The following LAP3 variants were observed in gnomAD, a reference collection of about 807,000 sequenced individuals.
LAP3 encodes leucine aminopeptidase 3.
Under a neutral mutation model 58.8 loss-of-function variants are expected in LAP3, and 46 were observed. The observed-to-expected ratio is 0.78, with a 90% CI of 0.62 to 1.00. The LOEUF (loss-of-function observed/expected upper bound fraction) is 1.00, where lower values mean the gene tolerates loss of function less well. Among genes scored for constraint, LAP3 ranks in the 50% least tolerant of loss-of-function variants. The pLI, the probability that LAP3 is intolerant of heterozygous loss-of-function variation, is 0.00. For synonymous variants in LAP3, 257 were observed against 237.7 expected (o/e 1.08, Z -0.75); for missense variants, 615 against 659.1 (o/e 0.93, Z 0.73).
chr4:17,593,591 A>G (rs1371303412), intron 7 of LAP3, among the ~76,000 whole-genome samples: 1 of 130,712 alleles, frequency 7.7e-6, no homozygotes, highest in East Asian at 2.2e-4. Context: ...CTTCATATAC[A>G]TTTTAGAATC....
At position 17,582,389 on chromosome 4, in the gene LAP3, T is replaced by G. The variant is rs1322335044; in HGVS notation, c.375T>G (p.Val125=). 6.2e-7 allele frequency: 1 copy of G among 1,610,952 alleles called. No homozygotes were observed. The highest frequency in any genetic ancestry group is 8.5e-7 in the Non-Finnish European group (1 of 1,178,000). ...GCAAAGAAAACATCAGAGCTGCTGT[T>G]GCAGGTTATTTCACTTTTTAAGTTT... is the stretch of plus-strand genomic sequence containing the variant. ...HEGKENIRAA[V]AAGCRQIQDL... The change falls in exon 4 of 13, where the codon GTT becomes GTG. Residue 125 remains valine (V), a synonymous_variant. Coordinates refer to ENST00000226299, the MANE Select transcript of LAP3 (RefSeq NM_015907.3).
chr4:17,606,809 C>T lies in LAP3; in HGVS notation c.1261-20C>T. On this transcript the variant is annotated intron_variant, in intron 11 of 12. Transcript: ENST00000226299. ...CAACCTGCCTCATCCACTCTTCCAC[C>T]TGTCATACCTGTTCTCTAGGCCAGC... 2 of 1,554,970 alleles carry T rather than the reference C, an allele frequency of 1.3e-6. No homozygotes were observed. The highest frequency in any genetic ancestry group is 1.8e-6 in the Non-Finnish European group (2 of 1,136,276).
intron 2 of LAP3, 74 bp downstream of exon 2, chr4:17,580,013 T>G: frequency 1.1e-6 from 1 of 884,070 alleles, no homozygotes; most frequent in Non-Finnish European, 1.8e-6. Flanking sequence ...TCTTTTCTTT[T>G]TTGAAACAGA....
chr4:17,582,359 T>C lies in LAP3; in HGVS notation c.345T>C (p.His115=). The part of the protein sequence containing the change: ...AAGIDEQENW[H]EGKENIRAAV... ...GAATCGACGAACAGGAAAACTGGCA[T>C]GAAGGCAAAGAAAACATCAGAGCTG... is the stretch of plus-strand genomic sequence containing the variant. Residue 115 remains histidine (H), a synonymous_variant, in exon 4 of 13, where the codon CAT becomes CAC. Coordinates refer to ENST00000226299, the MANE Select transcript of LAP3 (RefSeq NM_015907.3). 1 of 1,614,072 alleles carries C rather than the reference T, an allele frequency of 6.2e-7. No individual in the cohort carries two copies. Among genetic ancestry groups the C allele is most frequent in the South Asian group, 1.1e-5 (1 of 91,060 alleles).
At chr4:17,602,815 G>A (rs777593108) in intron 10 of LAP3, among the ~76,000 whole-genome samples, 1 of 152,018 alleles carries the variant, frequency 6.6e-6, no homozygotes, top group African/African-American at 2.4e-5. Context: ...CACCTGAGTA[G>A]CTGGGATTAC....
Position 17,577,202 on chromosome 4 carries a change from A to ACGAATGCGGGCGCACC in LAP3, c.-249_-248insCCGAATGCGGGCGCAC. ...CCCCCGCCCGCATGCGCGGGCGCAC[A>ACGAATGCGGGCGCACC]CGAATGCGGGCGCACACGAATGCGG... On this transcript the variant is annotated 5_prime_UTR_variant, in exon 1 of 13. The change creates a new upstream start codon in the 5' untranslated region. Coordinates refer to ENST00000226299, the MANE Select transcript of LAP3 (RefSeq NM_015907.3). 4 of 289,350 alleles carry ACGAATGCGGGCGCACC rather than the reference A, an allele frequency of 1.4e-5. No individual in the cohort carries two copies. The highest frequency in any genetic ancestry group is 6.1e-5 in the East Asian group (1 of 16,288). The allele number at this position is 289,350 out of a possible 1,614,324, so 17.9% of individuals were successfully genotyped here. A position where few individuals can be genotyped will look rare whatever the true frequency, so the allele number is the denominator to read the frequency against.
At chr4:17,592,430 G>C (rs894612569) in intron 7 of LAP3, among the ~76,000 whole-genome samples, 1 of 152,182 alleles carries the variant, frequency 6.6e-6, no homozygotes, top group Admixed American at 6.5e-5. Flanking sequence ...GTGTTCAATT[G>C]TATGGAAATG....
At chr4:17,582,711 A>C in intron 4 of LAP3, 1 of 202,626 alleles carries the variant, frequency 4.9e-6, no homozygotes, top group Non-Finnish European at 1.0e-5. Context: ...TGCCACCCTG[A>C]TGCCTCCCGA....
chr4:17,598,378 G>T, intron 9 of LAP3, 78 bp from the exon 10 acceptor site: 1 of 1,055,148 alleles, frequency 9.5e-7, no homozygotes, highest in Non-Finnish European at 1.5e-6. Context: ...CAACTTTTCC[G>T]TCGAACACTG....
chr4:17,604,068 C>T (rs928387928), intron 10 of LAP3, among the ~76,000 whole-genome samples: 10 of 151,068 alleles, frequency 6.6e-5, no homozygotes, highest in Admixed American at 2.0e-4. Context: ...TGATCCCACC[C>T]GTGATGGGAT....
At position 17,577,423 on chromosome 4, in the gene LAP3, C is replaced by T. The variant is rs1289117577; in HGVS notation, c.-43C>T. Reference sequence around the variant, plus strand: ...CAAGGCGCGCCCGCCCACCGCTCTCCACGTGCTCGCTGGAGGGCGGTGCGA... The same window carrying T: ...CAAGGCGCGCCCGCCCACCGCTCTCTACGTGCTCGCTGGAGGGCGGTGCGA... On this transcript the variant is annotated 5_prime_UTR_variant, in exon 1 of 13. Transcript: ENST00000226299. 2 of 1,469,888 alleles carry T rather than the reference C, an allele frequency of 1.4e-6. No homozygotes were observed. Among genetic ancestry groups the T allele is most frequent in the South Asian group, 1.3e-5 (1 of 78,666 alleles). The allele number at this position is 1,469,888 out of a possible 1,614,324, so 91.1% of individuals were successfully genotyped here.
intron 7 of LAP3, among the ~76,000 whole-genome samples, chr4:17,594,485 C>A (rs554351806): frequency 6.6e-6 from 1 of 152,334 alleles, no homozygotes; most frequent in South Asian, 2.1e-4. Context: ...GGCACATGAG[C>A]AGCAGATCTC....
At chr4:17,589,104 A>T in intron 7 of LAP3, 127 bp downstream of exon 7, 1 of 975,080 alleles carries the variant, frequency 1.0e-6, no homozygotes. Context: ...CCTGTCACCC[A>T]GGCTAGAGTG....
chr4:17,596,361 T>C (rs976501959), intron 8 of LAP3, among the ~76,000 whole-genome samples: 3 of 152,106 alleles, frequency 2.0e-5, no homozygotes, highest in African/African-American at 2.4e-5. Flanking sequence ...TTTTTTGAGA[T>C]GGAGTTTCGC....
rs1183741650 is a variant in LAP3, at chr4:17,577,299, C to A, written c.-167C>A. On this transcript the variant is annotated 5_prime_UTR_variant, in exon 1 of 13. Transcript: ENST00000226299. Reference sequence around the variant, plus strand: ...GTTTGATCCCAGCGGTCCAGTCGGCCGGTGCTGCCCATCCGTCCCGCCCCC... The same window carrying A: ...GTTTGATCCCAGCGGTCCAGTCGGCAGGTGCTGCCCATCCGTCCCGCCCCC... 3 of 470,280 alleles carry A rather than the reference C, an allele frequency of 6.4e-6. No individual in the cohort carries two copies. The highest frequency in any genetic ancestry group is 4.2e-5 in the African/African-American group (2 of 47,108). The allele number at this position is 470,280 out of a possible 1,614,324, so 29.1% of individuals were successfully genotyped here. A position where few individuals can be genotyped will look rare whatever the true frequency, so the allele number is the denominator to read the frequency against.
In LAP3 at chr4:17,607,625, A is replaced by ACTCTGTC. The variant is rs757078934; in HGVS notation, c.*36_*37insCTCTGTC. ...CAAAAATGTCTTCACTCTGTCTTAA[A>ACTCTGTC]TTGGACAGTTGAACTTAAAAGGTTT... On this transcript the variant is annotated 3_prime_UTR_variant, in exon 13 of 13. Coordinates refer to ENST00000226299, the MANE Select transcript of LAP3 (RefSeq NM_015907.3). 2.7e-6 allele frequency: 4 copies of ACTCTGTC among 1,472,972 alleles called. No individual in the cohort carries two copies. Among genetic ancestry groups the ACTCTGTC allele is most frequent in the Non-Finnish European group, 3.7e-6 (4 of 1,090,690 alleles). The allele number at this position is 1,472,972 out of a possible 1,614,324, so 91.2% of individuals were successfully genotyped here. A position where few individuals can be genotyped will look rare whatever the true frequency, so the allele number is the denominator to read the frequency against.
chr4:17,597,373 C>G (rs1713856563), intron 9 of LAP3, among the ~76,000 whole-genome samples: 1 of 152,182 alleles, frequency 6.6e-6, no homozygotes, highest in Non-Finnish European at 1.5e-5. Context: ...CCTCCCCAGG[C>G]TCAGGTGGTC....
At position 17,585,035 on chromosome 4, in the gene LAP3, A is replaced by G. The variant is rs780256670; in HGVS notation, c.603A>G (p.Gln201=). Residue 201 remains glutamine, a synonymous_variant, in exon 6 of 13, where the codon CAA becomes CAG. Transcript: ENST00000226299. ...CTTCTGGGCAGAACTTGGCACGCCA[A>G]TTGATGGAGACGCCAGCCAATGAGA... The part of the protein sequence containing the change: ...LFASGQNLAR[Q]LMETPANEMT... 1.7e-5 allele frequency: 27 copies of G among 1,614,048 alleles called. No homozygotes were observed. The highest frequency in any genetic ancestry group is 8.9e-5 in the East Asian group (4 of 44,894).
Position 17,607,457 on chromosome 4 carries a change from G to T in LAP3, c.1428G>T (p.Lys476Asn), listed in dbSNP as rs138517381. The change falls in exon 13 of 13, where the codon AAG becomes AAT. Residue 476 changes from lysine (K) to asparagine (N), a missense_variant. By Grantham distance (94) the Lys-to-Asn change is moderately conservative. Transcript: ENST00000226299. ...TGAAAGAATTCGTAACTCATCCTAA[G>T]TGGGCACATTTAGACATAGCAGGCG... ...AFLKEFVTHP[K>N]WAHLDIAGVM... The T allele has an allele frequency of 2.4e-5, 38 of 1,614,022 alleles. No individual in the cohort carries two copies. Among genetic ancestry groups the T allele is most frequent in the Non-Finnish European group, 3.2e-5 (38 of 1,180,012 alleles).
Sources: gnomAD v4.1 joint callset for allele counts (sites outside exome capture counted in the v4.1 genomes callset) on GRCh38, gnomAD v4.1.1 for gene constraint, MANE v1.5 for transcripts, NCBI Gene and HGNC (gene_info 2026-07-23, HGNC 2026-07-21) for gene names.